The following MAGI1 variants were observed in gnomAD, a reference collection of about 807,000 sequenced individuals.
The protein encoded by MAGI1 is membrane associated guanylate kinase, WW and PDZ domain containing 1.
Under a neutral mutation model 139.9 loss-of-function variants are expected in MAGI1, and 58 were observed. That is an observed-to-expected ratio of 0.41 (90% CI 0.34 to 0.52). The LOEUF (loss-of-function observed/expected upper bound fraction) is 0.52. Among genes scored for constraint, MAGI1 ranks in the 20% least tolerant of loss-of-function variants. The pLI is 0.12. For missense variants in MAGI1, 1,874 were observed against 1,901.6 expected (o/e 0.99, Z 0.27); for synonymous variants, 812 against 737.9 (o/e 1.10, Z -1.63).
At chr3:66,030,009 T>C (rs1036552370) in intron 1 of MAGI1, among the ~76,000 whole-genome samples, 1 of 152,258 alleles carries the variant, frequency 6.6e-6, no homozygotes, top group East Asian at 1.9e-4. Flanking sequence ...ACCTCTTCCA[T>C]GCAGGGAAAC....
In MAGI1 at chr3:65,852,693, G is replaced by A. The variant is rs564625400; in HGVS notation, c.313+185303C>T. Among the ~76,000 whole-genome samples the A allele has an allele frequency of 7.2e-4, 110 of 151,998 alleles. 1 individual carries two copies. Among genetic ancestry groups the A allele is most frequent in the African/African-American group, 2.6e-3 (108 of 41,530 alleles). Reference sequence around the variant, plus strand: ...TAATTTTGTATTTTTAGTAGAGACAGGGTTTCTCCACATTGGTCAGGCTGG... The same window carrying A: ...TAATTTTGTATTTTTAGTAGAGACAAGGTTTCTCCACATTGGTCAGGCTGG... On this transcript the variant is annotated intron_variant, in intron 1 of 22. Coordinates refer to ENST00000402939, the MANE Select transcript of MAGI1 (RefSeq NM_001033057.2).
chr3:65,840,230 T>C (rs1407891531), intron 1 of MAGI1, among the ~76,000 whole-genome samples: 1 of 152,068 alleles, frequency 6.6e-6, no homozygotes, highest in Non-Finnish European at 1.5e-5. Flanking sequence ...TATTTCTTCA[T>C]CTCCAGAGTA....
chr3:65,823,265 T>C (rs1273905469), intron 1 of MAGI1, among the ~76,000 whole-genome samples: 1 of 152,192 alleles, frequency 6.6e-6, no homozygotes, highest in Non-Finnish European at 1.5e-5. Context: ...CAAAAGTGGA[T>C]GACGGTACAA....
intron 13 of MAGI1, among the ~76,000 whole-genome samples, chr3:65,395,636 CAAAA>C (rs58806140): frequency 0.02 from 391 of 19,184 alleles, 20 homozygotes; most frequent in Middle Eastern, 0.17. Flanking sequence ...GACTCCATCT[CAAAA>C]AAAAAAAAAA....
chr3:65,782,333 GA>G (rs2038999066), intron 1 of MAGI1, among the ~76,000 whole-genome samples: 1 of 152,086 alleles, frequency 6.6e-6, no homozygotes. Flanking sequence ...GAAGATGGAG[GA>G]AAGGAATGTC....
chr3:65,856,810 C>T (rs1175659213), intron 1 of MAGI1, among the ~76,000 whole-genome samples: 1 of 152,234 alleles, frequency 6.6e-6, no homozygotes, highest in Non-Finnish European at 1.5e-5. Flanking sequence ...CTCCAGCCAG[C>T]CGCACAAACT....
At chr3:65,618,379 A>T (rs1435279867) in intron 2 of MAGI1, among the ~76,000 whole-genome samples, 1 of 152,206 alleles carries the variant, frequency 6.6e-6, no homozygotes, top group African/African-American at 2.4e-5. Flanking sequence ...ATGCTAAGAA[A>T]ATCATGTAAT....
chr3:65,836,332 T>C (rs537674704), intron 1 of MAGI1, among the ~76,000 whole-genome samples: 12 of 152,304 alleles, frequency 7.9e-5, no homozygotes, highest in Non-Finnish European at 1.6e-4. Flanking sequence ...AAGAAATAAA[T>C]CTAACTCTGC....
intron 1 of MAGI1, among the ~76,000 whole-genome samples, chr3:65,689,780 T>C (rs2088410359): frequency 6.6e-6 from 1 of 152,238 alleles, no homozygotes; most frequent in Non-Finnish European, 1.5e-5. Context: ...ACTAACCTAA[T>C]TAGCTGCAAC....
chr3:65,719,528 A>G (rs1297696513), intron 1 of MAGI1, among the ~76,000 whole-genome samples: 2 of 151,770 alleles, frequency 1.3e-5, no homozygotes, highest in East Asian at 1.9e-4. Context: ...GAGAAGTACC[A>G]TAACTTATCT....
chr3:65,747,941 C>A (rs2035837185), intron 1 of MAGI1, among the ~76,000 whole-genome samples: 1 of 152,176 alleles, frequency 6.6e-6, no homozygotes, highest in South Asian at 2.1e-4. Flanking sequence ...GCCAGTGAGC[C>A]AAATGCTGGG....
intron 1 of MAGI1, chr3:65,688,553 TG>T: frequency 2.7e-6 from 1 of 365,718 alleles, no homozygotes; most frequent in Non-Finnish European, 5.4e-6. Context: ...GTGCTTTATA[TG>T]GTGACAGACA....
chr3:65,951,521 G>A lies in MAGI1; in HGVS notation c.313+86475C>T, dbSNP rs116798487. 8.1e-3 allele frequency among the ~76,000 whole-genome samples: 1,233 copies of A among 152,256 alleles called. 20 individuals carry two copies. The highest frequency in any genetic ancestry group is 0.028 in the African/African-American group (1,153 of 41,546). On this transcript the variant is annotated intron_variant, in intron 1 of 22. Coordinates refer to ENST00000402939, the MANE Select transcript of MAGI1 (RefSeq NM_001033057.2). ...GATTCAAAGACAGTATGAAAAACAC[G>A]TCAAATATCTCACAAGTAACTTTTA...
chr3:65,712,134 G>T (rs1486396247), intron 1 of MAGI1, among the ~76,000 whole-genome samples: 1 of 152,084 alleles, frequency 6.6e-6, no homozygotes, highest in Non-Finnish European at 1.5e-5. Flanking sequence ...GAAAGGTAGG[G>T]TCCATGTGCC....
At chr3:65,791,760 C>A (rs905644604) in intron 1 of MAGI1, among the ~76,000 whole-genome samples, 2 of 152,180 alleles carry the variant, frequency 1.3e-5, no homozygotes, top group East Asian at 3.9e-4. Context: ...GCCAAATTTT[C>A]TACGTTGAAT....
intron 2 of MAGI1, among the ~76,000 whole-genome samples, chr3:65,495,065 C>T (rs1160759590): frequency 1.3e-5 from 2 of 152,178 alleles, no homozygotes; most frequent in Non-Finnish European, 2.9e-5. Flanking sequence ...GATGACAAAT[C>T]CCTTGAGGTA....
intron 1 of MAGI1, among the ~76,000 whole-genome samples, chr3:65,734,656 T>C (rs1364026630): frequency 3.9e-5 from 6 of 152,058 alleles, no homozygotes; most frequent in African/African-American, 1.2e-4. Flanking sequence ...TTCAACAGCA[T>C]TGAAAACTCT....
chr3:65,718,767 C>G (rs1224882047), intron 1 of MAGI1, among the ~76,000 whole-genome samples: 1 of 152,016 alleles, frequency 6.6e-6, no homozygotes, highest in African/African-American at 2.4e-5. Flanking sequence ...ATGAATCTCC[C>G]AGAAACAACA....
At chr3:65,611,635 A>ATACTAGTATTATATATAC in intron 2 of MAGI1, among the ~76,000 whole-genome samples, 1 of 147,174 alleles carries the variant, frequency 6.8e-6, no homozygotes, top group Non-Finnish European at 1.5e-5. Context: ...CAGTATATAT[A>ATACTAGTATTATATATAC]TATACTAGTA....
Sources: gnomAD v4.1 joint callset for allele counts (sites outside exome capture counted in the v4.1 genomes callset) on GRCh38, gnomAD v4.1.1 for gene constraint, MANE v1.5 for transcripts, NCBI Gene and HGNC (gene_info 2026-07-23, HGNC 2026-07-21) for gene names.